The following HEATR4 variants were observed in gnomAD, a reference collection of about 807,000 sequenced individuals.
HEATR4 encodes the protein HEAT repeat containing 4.
In HEATR4, 95 loss-of-function variants were observed where a neutral mutation model predicts 108.8. That is an observed-to-expected ratio of 0.87 (90% CI 0.74 to 1.04). The LOEUF (loss-of-function observed/expected upper bound fraction) is 1.04, where lower values mean the gene tolerates loss of function less well. Among genes scored for constraint, HEATR4 ranks in the 50% least tolerant of loss-of-function variants. The probability of loss-of-function intolerance (pLI) is 0.00; values close to 1 mark genes in which losing one functional copy is unlikely to be tolerated. For synonymous variants in HEATR4, 443 were observed against 459.4 expected (o/e 0.96, Z 0.46); for missense variants, 1,152 against 1,253.8 (o/e 0.92, Z 1.23).
chr14:73,621,934 T>C, the HEATR4 span, among the ~76,000 whole-genome samples: 1 of 151,848 alleles, frequency 6.6e-6, no homozygotes, highest in Admixed American at 6.6e-5. Context: ...TGGCTAACTT[T>C]TTATTTTTTG....
chr14:73,507,646 G>A (rs1181489650), intron 9 of HEATR4, among the ~76,000 whole-genome samples: 2 of 152,058 alleles, frequency 1.3e-5, no homozygotes, highest in East Asian at 3.9e-4. Flanking sequence ...ATATTGCCCA[G>A]GCTGGTCTTG....
intron 8 of HEATR4, among the ~76,000 whole-genome samples, chr14:73,509,039 A>C (rs1027058033): frequency 1.3e-5 from 2 of 151,922 alleles, no homozygotes; most frequent in African/African-American, 4.8e-5. Flanking sequence ...GCTAATTTTA[A>C]AATTTTTTAT....
intron 5 of HEATR4, among the ~76,000 whole-genome samples, chr14:73,517,820 G>C (rs925852553): frequency 2.0e-5 from 3 of 151,920 alleles, no homozygotes; most frequent in Admixed American, 6.6e-5. Context: ...TGGACACGGT[G>C]GCTCACGCCT....
chr14:73,489,786 G>T (rs1261489319), intron 17 of HEATR4, among the ~76,000 whole-genome samples: 1 of 152,206 alleles, frequency 6.6e-6, no homozygotes, highest in Non-Finnish European at 1.5e-5. Context: ...CAGATATCAA[G>T]AATGCAAGTA....
At position 73,535,613 on chromosome 14, in the gene HEATR4, C is replaced by T. The variant is rs1363607509; in HGVS notation, c.-151-5369G>A. 2.8e-5 allele frequency among the ~76,000 whole-genome samples: 3 copies of T among 107,586 alleles called. 1 individual carries two copies. Among genetic ancestry groups the T allele is most frequent in the South Asian group, 6.1e-4 (2 of 3,290 alleles). 70.6% of individuals were successfully genotyped at this position (107,586 alleles called of 152,430 possible). On this transcript the variant is annotated intron_variant, in intron 1 of 17. Coordinates refer to ENST00000553558, the MANE Select transcript of HEATR4 (RefSeq NM_001220484.1). Reference sequence around the variant, plus strand: ...CCTCCCGAGTAGCTGGGACTACAGGCGCCTGCCACCACGCCCGGCGAATTT... The same window carrying T: ...CCTCCCGAGTAGCTGGGACTACAGGTGCCTGCCACCACGCCCGGCGAATTT...
intron 17 of HEATR4, among the ~76,000 whole-genome samples, chr14:73,485,697 A>T (rs1885425231): frequency 6.6e-6 from 1 of 152,060 alleles, no homozygotes; most frequent in Admixed American, 6.6e-5. Flanking sequence ...ACATGGCAAA[A>T]CTCCATCTCA....
intron 17 of HEATR4, chr14:73,480,736 A>G (rs1885217101): frequency 6.6e-6 from 1 of 151,878 alleles, no homozygotes; most frequent in African/African-American, 2.4e-5. Context: ...AAAAGAAACG[A>G]TGCCTGGCGC....
chr14:73,569,397 G>C, the HEATR4 span: 8 of 1,613,884 alleles, frequency 5.0e-6, no homozygotes, highest in African/African-American at 4.0e-5. Flanking sequence ...GCTGAGGCAG[G>C]TTGGTCAGAT....
chr14:73,545,972 G>T (rs1315035061), intron 1 of HEATR4, among the ~76,000 whole-genome samples: 2 of 113,690 alleles, frequency 1.8e-5, no homozygotes, highest in African/African-American at 2.8e-5. Context: ...AACATAGTGG[G>T]ACACCATCTT....
rs141958391 is a variant in HEATR4, at chr14:73,521,038, A to C, written c.883T>G (p.Leu295Val). 1.2e-6 allele frequency: 2 copies of C among 1,613,166 alleles called. No homozygotes were observed. Among genetic ancestry groups the C allele is most frequent in the Non-Finnish European group, 1.7e-6 (2 of 1,179,540 alleles). The change falls in exon 4 of 18, where the codon TTG becomes GTG. Residue 295 changes from leucine (L) to valine (V), a missense_variant and splice_region_variant. Coordinates refer to ENST00000553558, the MANE Select transcript of HEATR4 (RefSeq NM_001220484.1). ...PELLLPVYYRLPSYFQQAETV... is the reference protein window; with the variant it reads ...PELLLPVYYRVPSYFQQAETV... Reference sequence around the variant, plus strand: ...TCTGCTTGTTGGAAGTAACTGGGCAATCTTGGCAGGGGTGAGAAAGGAGGG... The same window carrying C: ...TCTGCTTGTTGGAAGTAACTGGGCACTCTTGGCAGGGGTGAGAAAGGAGGG...
At chr14:73,561,640 C>T (rs1425031627), upstream of HEATR4, among the ~76,000 whole-genome samples, 3 of 151,732 alleles carry the variant, frequency 2.0e-5, no homozygotes, top group Non-Finnish European at 4.4e-5. Context: ...AGCAAGATTG[C>T]ACCACTCCAC....
At position 73,533,091 on chromosome 14, in the gene HEATR4, A is replaced by C. The variant is rs1316937621; in HGVS notation, c.-151-2847T>G. On this transcript the variant is annotated intron_variant, in intron 1 of 17. Coordinates refer to ENST00000553558, the MANE Select transcript of HEATR4 (RefSeq NM_001220484.1). ...AGTGAGCTATGATGGCACTACTGCAACCCAGCCTCAGTGACAGAGGGAGAC... is the reference window on the plus strand; with the variant it reads ...AGTGAGCTATGATGGCACTACTGCACCCCAGCCTCAGTGACAGAGGGAGAC... Among the ~76,000 whole-genome samples the C allele has an allele frequency of 1.2e-4, 14 of 115,624 alleles. 5 individuals carry two copies. The highest frequency in any genetic ancestry group is 8.3e-4 in the South Asian group (3 of 3,628). 75.9% of individuals were successfully genotyped at this position (115,624 alleles called of 152,430 possible).
chr14:73,479,419 T>TTCTTTCTTTC (rs1555386802), intron 17 of HEATR4, among the ~76,000 whole-genome samples: 18 of 105,160 alleles, frequency 1.7e-4, no homozygotes, highest in African/African-American at 3.9e-4. Flanking sequence ...CGGCGTTTTT[T>TTCTTTCTTTC]TTTCTTTCTT....
At chr14:73,589,312 TTTTC>T in the HEATR4 span, among the ~76,000 whole-genome samples, 1 of 139,028 alleles carries the variant, frequency 7.2e-6, no homozygotes, top group South Asian at 2.1e-4. Flanking sequence ...TCCTTCCCTT[TTTTC>T]TTTTCTTTTT....
intron 17 of HEATR4, chr14:73,490,977 C>G (rs10144461): frequency 0.72 from 951,718 of 1,315,852 alleles, 346,160 homozygotes; most frequent in East Asian, 0.88. Flanking sequence ...TTTAGCTTCG[C>G]CCCCGGCCGG....
chr14:73,492,334 A>G lies in HEATR4; in HGVS notation c.2844+732T>C. The G allele has an allele frequency of 6.2e-7, 1 of 1,613,994 alleles. No individual in the cohort carries two copies. Among genetic ancestry groups the G allele is most frequent in the Middle Eastern group, 1.6e-4 (1 of 6,062 alleles). ...TCTTAGAGGCCATACTGCCTCTGGC[A>G]GTGCAGGCTGCAATGGAAGAAAATG... is the stretch of plus-strand genomic sequence containing the variant. On this transcript the variant is annotated intron_variant, in intron 17 of 17. Coordinates refer to ENST00000553558, the MANE Select transcript of HEATR4 (RefSeq NM_001220484.1). This position sits in a 1 kb window ranked among gnomAD's most constrained non-coding sequence, Gnocchi z 4.9.
the HEATR4 span, among the ~76,000 whole-genome samples, chr14:73,605,886 C>T: frequency 1.3e-5 from 2 of 152,048 alleles, no homozygotes; most frequent in African/African-American, 4.8e-5. Context: ...CTACAAGATT[C>T]TAACCCTCCC....
chr14:73,594,447 TCAGC>T, the HEATR4 span, among the ~76,000 whole-genome samples: 3 of 151,948 alleles, frequency 2.0e-5, no homozygotes, highest in South Asian at 6.2e-4. Flanking sequence ...GCTCAGCGGC[TCAGC>T]GGCTCAGCAT....
chr14:73,479,044 T>G (rs1885133797), intron 17 of HEATR4, among the ~76,000 whole-genome samples: 1 of 152,024 alleles, frequency 6.6e-6, no homozygotes, highest in Non-Finnish European at 1.5e-5. Flanking sequence ...GTTCAAGTGA[T>G]TCTCTTGCCT....
Sources: gnomAD v4.1 joint callset for allele counts (sites outside exome capture counted in the v4.1 genomes callset) on GRCh38, gnomAD v4.1.1 for gene constraint, Gnocchi (gnomAD v3.1) non-coding constraint, MANE v1.5 for transcripts, NCBI Gene and HGNC (gene_info 2026-07-23, HGNC 2026-07-21) for gene names.